NCOA4: variants seen among roughly 807,000 people sequenced by gnomAD.
The protein encoded by NCOA4 is 70 kDa AR-activator.
NCOA4 carries 31 observed loss-of-function variants against 69.5 expected under a neutral mutation model. The ratio of observed to expected loss-of-function variants is 0.45; its 90% confidence interval spans 0.34 to 0.60. NCOA4 has a LOEUF of 0.60. Among genes scored for constraint, NCOA4 ranks in the 20% least tolerant of loss-of-function variants. The probability of loss-of-function intolerance (pLI) is 0.02; values close to 1 mark genes in which losing one functional copy is unlikely to be tolerated. For synonymous variants in NCOA4, 228 were observed against 252.4 expected (o/e 0.90, Z 0.92); for missense variants, 600 against 719.2 (o/e 0.83, Z 1.90).
intron 1 of NCOA4, among the ~76,000 whole-genome samples, chr10:46,019,710 C>T (rs1435800982): frequency 2.0e-5 from 3 of 152,150 alleles, no homozygotes; most frequent in African/African-American, 7.2e-5. Context: ...CAAGAGTTCA[C>T]ACATTGGACT....
At position 46,016,396 on chromosome 10, in the gene NCOA4, C is replaced by G. The variant is rs183202613; in HGVS notation, c.141+144G>C. 8.5e-4 allele frequency: 515 copies of G among 608,622 alleles called. 2 individuals are homozygous for G. The highest frequency in any genetic ancestry group is 8.3e-3 in the African/African-American group (442 of 53,368). 37.7% of individuals were successfully genotyped at this position (608,622 alleles called of 1,614,324 possible). On this transcript the variant is annotated intron_variant, in intron 2 of 9. Coordinates refer to ENST00000581486, the MANE Select transcript of NCOA4 (RefSeq NM_001145263.2). The stretch of plus-strand genomic sequence containing the variant: ...CTTGGGATGAAAGGCACCAGTATAT[C>G]AGGCAACTGACGGGGACCAAGTAGA...
In NCOA4 at chr10:46,016,575, G is replaced by A. The variant is rs782038231; in HGVS notation, c.106C>T (p.Arg36Trp). 25 of 1,552,166 alleles carry A rather than the reference G, an allele frequency of 1.6e-5. No individual in the cohort carries two copies. The highest frequency in any genetic ancestry group is 1.1e-4 in the South Asian group (9 of 80,918). ...TTATCTTTAATTTGCTGTTCAGCCC[G>A]GAGAACTCCACCAATAGCAAGCTCC... ...DLELAIGGVLRAEQQIKDNLR... is the reference protein window; with the variant it reads ...DLELAIGGVLWAEQQIKDNLR... The change falls in exon 2 of 10, where the codon CGG (arginine) becomes TGG (tryptophan). Residue 36 changes from arginine (R) to tryptophan (W), a missense_variant. Arg to Trp is a moderately radical substitution (Grantham distance 101). Transcript: ENST00000581486.
Position 46,006,199 on chromosome 10 carries a change from G to A in NCOA4, c.*393C>T, listed in dbSNP as rs1440065823. The stretch of plus-strand genomic sequence containing the variant: ...AGAAGCATCTGTAGGGCAATTAAAC[G>A]TTAGGGAAGTTTACTAGCTTTAGAA... On this transcript the variant is annotated 3_prime_UTR_variant, in exon 10 of 10. Coordinates refer to ENST00000581486, the MANE Select transcript of NCOA4 (RefSeq NM_001145263.2). 7 of 249,890 alleles carry A rather than the reference G, an allele frequency of 2.8e-5. No homozygotes were observed. Among genetic ancestry groups the A allele is most frequent in the Middle Eastern group, 1.2e-3 (1 of 818 alleles). 15.5% of individuals were successfully genotyped at this position (249,890 alleles called of 1,614,324 possible).
At chr10:46,015,484 C>T (rs1407453337) in intron 2 of NCOA4, among the ~76,000 whole-genome samples, 1 of 152,070 alleles carries the variant, frequency 6.6e-6, no homozygotes, top group African/African-American at 2.4e-5. Context: ...CCAAAGCCCA[C>T]CCAAGGACCC....
At chr10:46,014,769 C>T in intron 4 of NCOA4, 85 bp downstream of exon 4, 3 of 1,094,300 alleles carry the variant, frequency 2.7e-6, no homozygotes, top group East Asian at 2.4e-5. Flanking sequence ...AAATATAACA[C>T]AAGCAATGAG....
intron 9 of NCOA4, 89 bp downstream of exon 9, chr10:46,009,322 G>A (rs774661583): frequency 4.6e-6 from 7 of 1,516,750 alleles, no homozygotes; most frequent in Non-Finnish European, 6.4e-6. Flanking sequence ...ATATGGTTCA[G>A]TGAGCCAAGT....
rs1554922132 is a variant in NCOA4, at chr10:46,013,042, CA to C, written c.571-17del. 1 of 1,612,800 alleles carries C rather than the reference CA, an allele frequency of 6.2e-7. No homozygotes were observed. Among genetic ancestry groups the C allele is most frequent in the Non-Finnish European group, 8.5e-7 (1 of 1,179,278 alleles). ...ATGCTGACTTCTGTTAATCACAAAA[CA>C]AGGAATGTCAAATGCAGTAGAAAGT... is the stretch of plus-strand genomic sequence containing the variant. On this transcript the variant is annotated splice_polypyrimidine_tract_variant and intron_variant, in intron 6 of 9. Transcript: ENST00000581486.
At chr10:46,016,143 C>T (rs563141311) in intron 2 of NCOA4, among the ~76,000 whole-genome samples, 2 of 152,274 alleles carry the variant, frequency 1.3e-5, no homozygotes, top group East Asian at 1.9e-4. Flanking sequence ...CATTAACCAG[C>T]TAAAAGATGA....
intron 1 of NCOA4, among the ~76,000 whole-genome samples, chr10:46,021,149 C>T (rs1839845973): frequency 6.6e-6 from 1 of 152,160 alleles, no homozygotes; most frequent in Admixed American, 6.5e-5. Flanking sequence ...GAGCAACTAA[C>T]CACAAATGAA....
intron 1 of NCOA4, among the ~76,000 whole-genome samples, chr10:46,029,034 T>TA (rs1241509592): frequency 0.052 from 4,686 of 90,680 alleles, 193 homozygotes; most frequent in African/African-American, 0.13. Flanking sequence ...ACTGATTTAA[T>TA]AAAAAAAAAA....
chr10:46,025,351 A>G (rs1840102994), intron 1 of NCOA4, among the ~76,000 whole-genome samples: 1 of 152,090 alleles, frequency 6.6e-6, no homozygotes, highest in East Asian at 1.9e-4. Flanking sequence ...CTGAGGGTGG[A>G]TTTTCCCCAC....
At chr10:46,012,835 C>T in intron 7 of NCOA4, 48 bp downstream of exon 7, 1 of 1,598,174 alleles carries the variant, frequency 6.3e-7, no homozygotes, top group African/African-American at 1.3e-5. Flanking sequence ...GTAACTAACT[C>T]CACCTACTGC....
intron 9 of NCOA4, chr10:46,009,127 C>T (rs1590149312): frequency 4.6e-6 from 7 of 1,536,784 alleles, no homozygotes; most frequent in Non-Finnish European, 5.3e-6. Context: ...AACCCACCTT[C>T]GAGGTAGGTA....
In NCOA4 at chr10:46,013,568, A is replaced by G; in HGVS notation, c.552T>C (p.Cys184=). ...ATTTTACCTGCTCTGGCATGGAGATACAGCCTCTCTTCTCCAGGAAGGGCC... is the reference window on the plus strand; with the variant it reads ...ATTTTACCTGCTCTGGCATGGAGATGCAGCCTCTCTTCTCCAGGAAGGGCC... ...NIGPFLEKRG[C]ISMPEQKSAS... The change falls in exon 6 of 10, where the codon TGT becomes TGC. Residue 184 remains cysteine, a synonymous_variant. Transcript: ENST00000581486. The G allele has an allele frequency of 6.2e-7, 1 of 1,612,082 alleles. No homozygotes were observed. Among genetic ancestry groups the G allele is most frequent in the Non-Finnish European group, 8.5e-7 (1 of 1,178,318 alleles).
At chr10:46,007,937 A>T (rs1554920225) in intron 9 of NCOA4, among the ~76,000 whole-genome samples, 1 of 152,148 alleles carries the variant, frequency 6.6e-6, no homozygotes, top group Non-Finnish European at 1.5e-5. Flanking sequence ...GCCCTTGAGA[A>T]TTATGCTAAA....
intron 5 of NCOA4, 135 bp downstream of exon 5, chr10:46,014,309 G>T (rs782195295): frequency 6.1e-5 from 40 of 659,320 alleles, no homozygotes; most frequent in Non-Finnish European, 1.0e-4. Context: ...GAGCCACCAC[G>T]CCCAGCTGAG....
At position 46,014,534 on chromosome 10, in the gene NCOA4, A is replaced by C; in HGVS notation, c.390T>G (p.Leu130=). 1 of 1,613,348 alleles carries C rather than the reference A, an allele frequency of 6.2e-7. No homozygotes were observed. Among genetic ancestry groups the C allele is most frequent in the Non-Finnish European group, 8.5e-7 (1 of 1,179,610 alleles). ...GCAGGACAGTTGAATCTTCAGGCTT[A>C]AGGGTCAAACTGCCCAGTCTGGGGA... is the stretch of plus-strand genomic sequence containing the variant. ...VCLERLGSLT[L]KPEDSTVLLF... is the part of the protein sequence containing the mutation. The change falls in exon 5 of 10, where the codon CTT becomes CTG. Residue 130 remains leucine, a synonymous_variant. Transcript: ENST00000581486.
chr10:46,014,945 A>G lies in NCOA4; in HGVS notation c.283-3T>C, dbSNP rs1839450576. 6.2e-7 allele frequency: 1 copy of G among 1,613,164 alleles called. No individual in the cohort carries two copies. The highest frequency in any genetic ancestry group is 1.1e-5 in the South Asian group (1 of 90,882). Reference sequence around the variant, plus strand: ...AGACAATTGAACTGGCCCAATAACTAAAAGAAAAATGAAACCAACTAGCCA... The same window carrying G: ...AGACAATTGAACTGGCCCAATAACTGAAAGAAAAATGAAACCAACTAGCCA... On this transcript the variant is annotated splice_region_variant and splice_polypyrimidine_tract_variant and intron_variant, in intron 3 of 9. Coordinates refer to ENST00000581486, the MANE Select transcript of NCOA4 (RefSeq NM_001145263.2).
chr10:46,030,123 G>A (rs1213385656), intron 1 of NCOA4, among the ~76,000 whole-genome samples: 2 of 152,216 alleles, frequency 1.3e-5, no homozygotes, highest in Non-Finnish European at 2.9e-5. Flanking sequence ...CAAGCAAGAG[G>A]CGAGAGAAAC....
Sources: allele counts gnomAD v4.1 joint callset (sites outside exome capture counted in the v4.1 genomes callset), GRCh38; gene constraint gnomAD v4.1.1; transcripts MANE v1.5; gene names NCBI Gene and HGNC (gene_info 2026-07-23, HGNC 2026-07-21).